SNORC: variants seen among roughly 807,000 people sequenced by gnomAD.
The protein encoded by SNORC is protein SNORC.
SNORC carries 11 observed loss-of-function variants against 9.7 expected under a neutral mutation model. The observed-to-expected ratio is 1.14, with a 90% confidence interval of 0.72 to 1.88. The LOEUF is 1.88. Ranked by LOEUF, SNORC falls within the 40% of genes most tolerant of loss-of-function variation. The pLI is 0.00. For synonymous variants in SNORC, 108 were observed against 88.7 expected (o/e 1.22, Z -1.22); for missense variants, 197 against 173.1 (o/e 1.14, Z -0.77).
At chr2:232,876,970 G>T, downstream of SNORC, 1 of 985,550 alleles carries the variant, frequency 1.0e-6, no homozygotes, top group African/African-American at 1.7e-5. The surrounding 1 kb of genome is among the most constrained non-coding windows in gnomAD (Gnocchi z 6.8). Context: ...GGGGCCCGCC[G>T]CTCCTTGAGG....
At chr2:232,870,475 G>A (rs1304933286) in intron 1 of SNORC, 61 bp downstream of exon 1, 2 of 1,469,522 alleles carry the variant, frequency 1.4e-6, no homozygotes, top group African/African-American at 1.4e-5. Flanking sequence ...TAACTACCTT[G>A]GGGCCAGATT....
chr2:232,878,685 G>C (rs1331506007), downstream of SNORC: 1 of 152,616 alleles, frequency 6.6e-6, no homozygotes, highest in Non-Finnish European at 1.5e-5. Flanking sequence ...GCAATAAAGA[G>C]TAGACCTTCA....
At chr2:232,876,835 T>C, downstream of SNORC, 1 of 985,504 alleles carries the variant, frequency 1.0e-6, no homozygotes, top group Non-Finnish European at 1.2e-6. This position sits in a 1 kb window ranked among gnomAD's most constrained non-coding sequence, Gnocchi z 6.8. Context: ...CCGCCTCCTC[T>C]GCCTGGGCGC....
intron 1 of SNORC, chr2:232,875,468 T>A (rs1691192396): frequency 2.4e-6 from 1 of 417,684 alleles, no homozygotes; most frequent in South Asian, 1.8e-5. Context: ...CTTTCCAGCG[T>A]TTCTGGGGCA....
At chr2:232,870,336 G>A in exon 1 of SNORC, 1 of 1,556,254 alleles carries the variant, frequency 6.4e-7, no homozygotes. Context: ...CTCACTCCCG[G>A]CCAGGATGGC....
downstream of SNORC, chr2:232,877,059 T>C: frequency 1.0e-6 from 1 of 985,696 alleles, no homozygotes; most frequent in Non-Finnish European, 1.2e-6. Context: ...TGACTCTGAG[T>C]CCTGCAGCCA....
chr2:232,867,814 G>A (rs1690906161), upstream of SNORC, among the ~76,000 whole-genome samples: 1 of 152,184 alleles, frequency 6.6e-6, no homozygotes, highest in Admixed American at 6.5e-5. Context: ...TCAGCAAAAA[G>A]CCAAAGTCTA....
At chr2:232,871,221 C>T (rs987916287) in intron 1 of SNORC, among the ~76,000 whole-genome samples, 1 of 152,174 alleles carries the variant, frequency 6.6e-6, no homozygotes, top group Non-Finnish European at 1.5e-5. Flanking sequence ...AGGTGGACCG[C>T]AGTCATGAGA....
At chr2:232,876,759 G>C (rs997964227), downstream of SNORC, 26 of 985,482 alleles carry the variant, frequency 2.6e-5, no homozygotes, top group East Asian at 2.7e-3. The surrounding 1 kb of genome is among the most constrained non-coding windows in gnomAD (Gnocchi z 6.8). Flanking sequence ...GCGGCCAGCG[G>C]TCTTAGCCCG....
intron 1 of SNORC, 105 bp downstream of exon 1, chr2:232,870,519 A>G (rs1338807296): frequency 9.1e-7 from 1 of 1,096,542 alleles, no homozygotes; most frequent in African/African-American, 1.6e-5. Context: ...GCCCTCTCAC[A>G]GGAGATGGGA....
downstream of SNORC, chr2:232,878,547 TG>T (rs1266871473): frequency 6.6e-6 from 1 of 152,440 alleles, no homozygotes. Context: ...GGCAAGGCCC[TG>T]GCTGTTCCTT....
chr2:232,874,256 T>A (rs1236723126), intron 1 of SNORC, among the ~76,000 whole-genome samples: 1 of 152,228 alleles, frequency 6.6e-6, no homozygotes, highest in East Asian at 1.9e-4. Context: ...TGAAATCATT[T>A]GAGAGTAAGT....
intron 1 of SNORC, 25 bp from the exon 2 acceptor site, chr2:232,875,915 C>G: frequency 3.3e-6 from 5 of 1,535,164 alleles, no homozygotes; most frequent in South Asian, 1.2e-5. Context: ...ACCTGGGGCC[C>G]CAGCACCTCT....
chr2:232,877,107 C>T, downstream of SNORC: 1 of 986,028 alleles, frequency 1.0e-6, no homozygotes, highest in Non-Finnish European at 1.2e-6. Flanking sequence ...AGCCCCAAGC[C>T]CCCCTCTGCC....
At chr2:232,871,451 G>A (rs534419823) in intron 1 of SNORC, among the ~76,000 whole-genome samples, 2 of 152,314 alleles carry the variant, frequency 1.3e-5, no homozygotes, top group African/African-American at 2.4e-5. Context: ...ACACAGCCAC[G>A]CTCTGCCTCA....
At chr2:232,876,808 G>C (rs1277927179), downstream of SNORC, 5 of 985,220 alleles carry the variant, frequency 5.1e-6, no homozygotes, top group African/African-American at 7.0e-5. The surrounding 1 kb of genome is among the most constrained non-coding windows in gnomAD (Gnocchi z 6.8). Flanking sequence ...CGCCACGGGC[G>C]GCCCCTTCTC....
intron 1 of SNORC, among the ~76,000 whole-genome samples, chr2:232,874,231 C>T (rs745886098): frequency 6.6e-5 from 10 of 152,246 alleles, no homozygotes; most frequent in Non-Finnish European, 1.2e-4. Context: ...ATTGCTGAAT[C>T]CTCTATCTGA....
At chr2:232,870,338 C>T (rs968490175) in exon 1 of SNORC, 3 of 1,557,242 alleles carry the variant, frequency 1.9e-6, no homozygotes, top group Non-Finnish European at 2.6e-6. Context: ...CACTCCCGGC[C>T]AGGATGGCAT....
Position 232,876,005 on chromosome 2 carries a change from G to T in SNORC, c.139G>T (p.Gly47Cys). ...GCCGGCCGAGCTGCCGTCGGGAGAA[G>T]GCCCCGTGGAGAGCACCAGCCCCGG... The change falls in exon 2 of 3, where the codon GGC becomes TGC. Residue 47 changes from glycine to cysteine, a missense_variant. By Grantham distance (159) the Gly-to-Cys change is radical. Transcript: ENST00000331342. The surrounding 1 kb of genome is among the most constrained non-coding windows in gnomAD (Gnocchi z 6.8). The T allele has an allele frequency of 6.4e-7, 1 of 1,553,400 alleles. No homozygotes were observed. Among genetic ancestry groups the T allele is most frequent in the Non-Finnish European group, 8.7e-7 (1 of 1,151,746 alleles).
Sources: allele counts gnomAD v4.1 joint callset (sites outside exome capture counted in the v4.1 genomes callset), GRCh38; gene constraint gnomAD v4.1.1; non-coding constraint Gnocchi (gnomAD v3.1); transcripts MANE v1.5; gene names NCBI Gene and HGNC (gene_info 2026-07-23, HGNC 2026-07-21).